The following EDIL3 variants were observed in gnomAD, a reference collection of about 807,000 sequenced individuals.
The protein encoded by EDIL3 is EGF-like repeat and discoidin I-like domain-containing protein 3.
Under a neutral mutation model 67.4 loss-of-function variants are expected in EDIL3, and 37 were observed. That is an observed-to-expected ratio of 0.55 (90% confidence interval 0.42 to 0.72). EDIL3 has a LOEUF of 0.72. EDIL3 is among the 30% of genes least tolerant of loss of function. The pLI, the probability that EDIL3 is intolerant of heterozygous loss-of-function variation, is 0.00. For synonymous variants in EDIL3, 195 were observed against 196.3 expected, an observed-to-expected ratio of 0.99 and a Z score of 0.05; for missense variants, 527 against 586.3, an observed-to-expected ratio of 0.90 and a Z score of 1.04.
At chr5:84,188,707 T>C (rs1437538897) in intron 3 of EDIL3, among the ~76,000 whole-genome samples, 1 of 152,006 alleles carries the variant, frequency 6.6e-6, no homozygotes, top group Non-Finnish European at 1.5e-5. Context: ...GGTGTCCTTA[T>C]AGGAATAGGG....
intron 1 of EDIL3, among the ~76,000 whole-genome samples, chr5:84,282,630 A>G (rs1580053657): frequency 6.6e-6 from 1 of 152,192 alleles, no homozygotes; most frequent in Admixed American, 6.5e-5. Flanking sequence ...CAGATAAAGT[A>G]GCTGCATGAA....
chr5:84,006,502 G>A (rs1241295978), intron 9 of EDIL3, among the ~76,000 whole-genome samples: 3 of 152,066 alleles, frequency 2.0e-5, no homozygotes, highest in African/African-American at 4.8e-5. Context: ...GTTCCCACTT[G>A]TAAGTGCAAG....
At chr5:84,081,510 A>C (rs2112258583) in intron 6 of EDIL3, among the ~76,000 whole-genome samples, 1 of 152,340 alleles carries the variant, frequency 6.6e-6, no homozygotes, top group East Asian at 1.9e-4. Context: ...TCACTTTGCT[A>C]ATGAATATTT....
At chr5:84,063,219 A>C (rs187357652) in intron 8 of EDIL3, among the ~76,000 whole-genome samples, 3 of 152,058 alleles carry the variant, frequency 2.0e-5, no homozygotes, top group Non-Finnish European at 4.4e-5. Flanking sequence ...GCAACTAAAA[A>C]CCATGTGGCT....
In EDIL3 at chr5:84,297,185, A is replaced by G. The variant is rs1046043358; in HGVS notation, c.68-42973T>C. On this transcript the variant is annotated intron_variant, in intron 1 of 10. Coordinates refer to ENST00000296591, the MANE Select transcript of EDIL3 (RefSeq NM_005711.5). Reference sequence around the variant, plus strand: ...CGACAGAGCAAGACTCCGAAAAAAAAAAAAAAAAAAAAGACACCATTAAAA... The same window carrying G: ...CGACAGAGCAAGACTCCGAAAAAAAGAAAAAAAAAAAAGACACCATTAAAA... 5.9e-5 allele frequency among the ~76,000 whole-genome samples: 9 copies of G among 151,430 alleles called. 1 individual carries two copies. In the South Asian group the frequency reaches 1.9e-3, roughly 32 times the overall value.
chr5:84,026,031 C>T (rs572037592), intron 9 of EDIL3, among the ~76,000 whole-genome samples: 15 of 152,248 alleles, frequency 9.9e-5, no homozygotes, highest in African/African-American at 3.1e-4. Context: ...TGTTACCTTG[C>T]TACTCAACGT....
chr5:84,289,211 TTAA>T (rs1458544911), intron 1 of EDIL3, among the ~76,000 whole-genome samples: 7 of 152,242 alleles, frequency 4.6e-5, no homozygotes, highest in Non-Finnish European at 7.3e-5. Flanking sequence ...CTTTTTAGTG[TTAA>T]TAATGTTACA....
At chr5:84,314,850 T>C (rs1271341916) in intron 1 of EDIL3, among the ~76,000 whole-genome samples, 1 of 152,184 alleles carries the variant, frequency 6.6e-6, no homozygotes, top group Non-Finnish European at 1.5e-5. Context: ...ATCAAAGAAA[T>C]CTTGAGAAAA....
chr5:83,986,388 C>A (rs1745057897), intron 9 of EDIL3, among the ~76,000 whole-genome samples: 3 of 151,976 alleles, frequency 2.0e-5, no homozygotes, highest in African/African-American at 7.2e-5. Context: ...GCTTGGTGAC[C>A]TTAAATTAAC....
intron 5 of EDIL3, among the ~76,000 whole-genome samples, chr5:84,125,679 C>T (rs559457233): frequency 2.6e-5 from 4 of 151,962 alleles, no homozygotes; most frequent in Non-Finnish European, 5.9e-5. Context: ...GCCCCAAGTA[C>T]GGAGTGATCC....
At chr5:83,981,623 G>T (rs1310091794) in intron 9 of EDIL3, among the ~76,000 whole-genome samples, 2 of 151,886 alleles carry the variant, frequency 1.3e-5, no homozygotes, top group Non-Finnish European at 2.9e-5. Flanking sequence ...CACTAAATCC[G>T]TGAATGCAAA....
intron 3 of EDIL3, among the ~76,000 whole-genome samples, chr5:84,226,812 C>T (rs1204181579): frequency 6.6e-6 from 1 of 151,792 alleles, no homozygotes; most frequent in East Asian, 1.9e-4. Flanking sequence ...ATTTTTAAAA[C>T]ATAATTTAAA....
At chr5:84,120,567 C>T (rs1319815906) in intron 5 of EDIL3, among the ~76,000 whole-genome samples, 2 of 151,954 alleles carry the variant, frequency 1.3e-5, no homozygotes, top group East Asian at 1.9e-4. Context: ...AATTTTTTTC[C>T]GTTGTCATTA....
At chr5:84,046,525 T>A (rs908618218) in intron 9 of EDIL3, among the ~76,000 whole-genome samples, 10 of 152,220 alleles carry the variant, frequency 6.6e-5, no homozygotes, top group Admixed American at 3.3e-4. Context: ...TGACTCTTCA[T>A]TATAAAGCAA....
chr5:84,093,423 T>C (rs1747203040), intron 6 of EDIL3, among the ~76,000 whole-genome samples: 1 of 152,134 alleles, frequency 6.6e-6, no homozygotes, highest in Non-Finnish European at 1.5e-5. Flanking sequence ...TGTAGTCACT[T>C]CTACCTTTGA....
intron 3 of EDIL3, among the ~76,000 whole-genome samples, chr5:84,207,778 A>C (rs1206396481): frequency 4.0e-5 from 6 of 149,778 alleles, no homozygotes; most frequent in South Asian, 2.1e-4. Flanking sequence ...ACAAACCTGA[A>C]AAAAACAAGC....
At chr5:84,271,273 GC>G (rs1274125096) in intron 1 of EDIL3, among the ~76,000 whole-genome samples, 1 of 151,976 alleles carries the variant, frequency 6.6e-6, no homozygotes, top group South Asian at 2.1e-4. Flanking sequence ...AATTAGCCGG[GC>G]TTGGTGGTGG....
chr5:84,009,988 C>T (rs566575443), intron 9 of EDIL3, among the ~76,000 whole-genome samples: 1 of 152,322 alleles, frequency 6.6e-6, no homozygotes, highest in African/African-American at 2.4e-5. Flanking sequence ...GTGTAACTTC[C>T]TCACTTCATA....
In EDIL3 at chr5:84,254,221, T is replaced by C; in HGVS notation, c.68-9A>G. On this transcript the variant is annotated splice_polypyrimidine_tract_variant and intron_variant, in intron 1 of 10. Coordinates refer to ENST00000296591, the MANE Select transcript of EDIL3 (RefSeq NM_005711.5). ...GGGATCACAAATATCACCTAAGGCA[T>C]AAAAAAAAACCGAAATTGACATTTT... The C allele has an allele frequency of 2.6e-6, 4 of 1,534,614 alleles. No individual in the cohort carries two copies. The highest frequency in any genetic ancestry group is 3.5e-6 in the Non-Finnish European group (4 of 1,133,876).
Sources: allele counts gnomAD v4.1 joint callset (sites outside exome capture counted in the v4.1 genomes callset), GRCh38; gene constraint gnomAD v4.1.1; transcripts MANE v1.5; gene names NCBI Gene and HGNC (gene_info 2026-07-23, HGNC 2026-07-21).